The following PLCXD3 variants were observed in gnomAD, a reference collection of about 807,000 sequenced individuals.
PLCXD3 encodes the protein PI-PLC X domain-containing protein 3.
Under a neutral mutation model 25.5 loss-of-function variants are expected in PLCXD3, and 19 were observed. That is an observed-to-expected ratio of 0.75 (90% CI 0.52 to 1.09). The LOEUF is 1.09. Among genes scored for constraint, PLCXD3 ranks in the 50% least tolerant of loss-of-function variants. PLCXD3 has a pLI of 0.00. For missense variants in PLCXD3, 411 were observed against 388.1 expected (o/e 1.06, Z -0.50); for synonymous variants, 174 against 137.6 (o/e 1.26, Z -1.85).
intron 1 of PLCXD3, among the ~76,000 whole-genome samples, chr5:41,384,406 T>C: frequency 6.6e-6 from 1 of 152,038 alleles, no homozygotes; most frequent in East Asian, 1.9e-4. Context: ...AGAATTATGA[T>C]TAAATGATCT....
chr5:41,341,474 T>A (rs568826776), intron 2 of PLCXD3, among the ~76,000 whole-genome samples: 1 of 152,308 alleles, frequency 6.6e-6, no homozygotes, highest in Admixed American at 6.5e-5. Context: ...CAAAGTGCCA[T>A]GCAAATTTCA....
chr5:41,465,560 G>A (rs1033646241), intron 1 of PLCXD3, among the ~76,000 whole-genome samples: 2 of 151,444 alleles, frequency 1.3e-5, no homozygotes, highest in African/African-American at 2.4e-5. Flanking sequence ...CCTTTCCTTG[G>A]TTCTTGTCTC....
At chr5:41,509,655 G>C (rs190382004) in intron 1 of PLCXD3, among the ~76,000 whole-genome samples, 2 of 152,182 alleles carry the variant, frequency 1.3e-5, no homozygotes, top group African/African-American at 2.4e-5. Flanking sequence ...CTCAGGTCAC[G>C]CAGGTTCCCC....
chr5:41,369,981 A>C (rs1745046047), intron 2 of PLCXD3, among the ~76,000 whole-genome samples: 1 of 152,184 alleles, frequency 6.6e-6, no homozygotes, highest in Non-Finnish European at 1.5e-5. Flanking sequence ...TTCACTAATG[A>C]AATCACACAT....
Position 41,312,097 on chromosome 5 carries a change from T to TA in PLCXD3, c.*1519_*1520insT. The TA allele has an allele frequency of 6.6e-6, 1 of 152,560 alleles. No individual in the cohort carries two copies. Among genetic ancestry groups the TA allele is most frequent in the East Asian group, 1.9e-4 (1 of 5,166 alleles). 9.5% of individuals were successfully genotyped at this position (152,560 alleles called of 1,614,324 possible). A position where few individuals can be genotyped will look rare whatever the true frequency, so the allele number is the denominator to read the frequency against. On this transcript the variant is annotated 3_prime_UTR_variant, in exon 3 of 3. Coordinates refer to ENST00000377801, the MANE Select transcript of PLCXD3 (RefSeq NM_001005473.3). The stretch of plus-strand genomic sequence containing the variant: ...CAAGGATTATTGTGCTCTAAGTTTT[T>TA]TTTTTTTATTTTTTAGAGTTGTCAA...
At chr5:41,410,941 C>A (rs1373354835) in intron 1 of PLCXD3, among the ~76,000 whole-genome samples, 1 of 152,144 alleles carries the variant, frequency 6.6e-6, no homozygotes, top group Non-Finnish European at 1.5e-5. Flanking sequence ...GTGGCAGACC[C>A]TGCAGTTTGG....
intron 1 of PLCXD3, among the ~76,000 whole-genome samples, chr5:41,467,847 T>A (rs1748056378): frequency 6.6e-6 from 1 of 152,078 alleles, no homozygotes; most frequent in African/African-American, 2.4e-5. Flanking sequence ...TTGGCAGCTT[T>A]GCCAAAAATC....
chr5:41,481,350 T>G (rs1748411563), intron 1 of PLCXD3, among the ~76,000 whole-genome samples: 1 of 152,218 alleles, frequency 6.6e-6, no homozygotes, highest in Non-Finnish European at 1.5e-5. Flanking sequence ...TCTCTTCCTA[T>G]GAACATAATG....
intron 2 of PLCXD3, among the ~76,000 whole-genome samples, chr5:41,360,994 A>G (rs1161029543): frequency 6.6e-6 from 1 of 152,094 alleles, no homozygotes; most frequent in Non-Finnish European, 1.5e-5. Context: ...GTCTTCTGCT[A>G]CCAGGGCAGG....
chr5:41,366,427 A>T (rs1554045353), intron 2 of PLCXD3, among the ~76,000 whole-genome samples: 4 of 152,204 alleles, frequency 2.6e-5, no homozygotes, highest in Non-Finnish European at 5.9e-5. Flanking sequence ...GTATCTGAGC[A>T]CTTTCAGGAG....
chr5:41,453,315 G>T (rs1261248570), intron 1 of PLCXD3, among the ~76,000 whole-genome samples: 2 of 151,030 alleles, frequency 1.3e-5, no homozygotes, highest in Non-Finnish European at 3.0e-5. Context: ...CAAACTATTG[G>T]CTGTATGTTT....
intron 2 of PLCXD3, among the ~76,000 whole-genome samples, chr5:41,347,030 A>T (rs1744319770): frequency 6.6e-6 from 1 of 152,198 alleles, no homozygotes; most frequent in Non-Finnish European, 1.5e-5. Context: ...TAAGGTTGCT[A>T]TTACTGGATC....
At chr5:41,506,763 G>GT (rs1313675350) in intron 1 of PLCXD3, among the ~76,000 whole-genome samples, 1 of 152,162 alleles carries the variant, frequency 6.6e-6, no homozygotes, top group Non-Finnish European at 1.5e-5. Context: ...TTTCATTGGT[G>GT]TTTGCATTTT....
At position 41,367,326 on chromosome 5, in the gene PLCXD3, G is replaced by T. The variant is rs60018749; in HGVS notation, c.812+14500C>A. On this transcript the variant is annotated intron_variant, in intron 2 of 2. Coordinates refer to ENST00000377801, the MANE Select transcript of PLCXD3 (RefSeq NM_001005473.3). ...ATTGTTTCTTGACTTTGTAATAATC[G>T]CCATTCTGACTGGCATGAGATGGTA... 3.5e-3 allele frequency among the ~76,000 whole-genome samples: 526 copies of T among 152,132 alleles called. 3 individuals carry two copies. Among genetic ancestry groups the T allele is most frequent in the African/African-American group, 0.012 (510 of 41,528 alleles).
intron 2 of PLCXD3, among the ~76,000 whole-genome samples, chr5:41,337,490 G>A (rs1744019273): frequency 6.6e-6 from 1 of 152,148 alleles, no homozygotes; most frequent in Non-Finnish European, 1.5e-5. Flanking sequence ...TCCAAGATAA[G>A]AGTGATTATA....
At chr5:41,447,151 C>T (rs1747522936) in intron 1 of PLCXD3, among the ~76,000 whole-genome samples, 1 of 152,144 alleles carries the variant, frequency 6.6e-6, no homozygotes, top group African/African-American at 2.4e-5. Flanking sequence ...TTGTAAAACT[C>T]TTATCCAGTT....
chr5:41,468,702 G>A (rs1748081060), intron 1 of PLCXD3, among the ~76,000 whole-genome samples: 1 of 151,962 alleles, frequency 6.6e-6, no homozygotes, highest in South Asian at 2.1e-4. Context: ...ATGCTATTTA[G>A]TTTTCTATGT....
chr5:41,407,768 C>A (rs535455526), intron 1 of PLCXD3, among the ~76,000 whole-genome samples: 1 of 152,140 alleles, frequency 6.6e-6, no homozygotes, highest in Non-Finnish European at 1.5e-5. Flanking sequence ...AAATAGCTCA[C>A]GGAACACTAA....
In PLCXD3 at chr5:41,422,278, T is replaced by C. The variant is rs28469040; in HGVS notation, c.104-39744A>G. Among the ~76,000 whole-genome samples the C allele has an allele frequency of 6.6e-3, 999 of 152,324 alleles. 13 individuals carry two copies. Among genetic ancestry groups the C allele is most frequent in the African/African-American group, 0.023 (953 of 41,574 alleles). Reference sequence around the variant, plus strand: ...CGTTTTATCAGTCCTGGAAATGGCTTCAAAACATGACTGAAATCTCCTTGA... The same window carrying C: ...CGTTTTATCAGTCCTGGAAATGGCTCCAAAACATGACTGAAATCTCCTTGA... On this transcript the variant is annotated intron_variant, in intron 1 of 2. Transcript: ENST00000377801.
Sources: gnomAD v4.1 joint callset for allele counts (sites outside exome capture counted in the v4.1 genomes callset) on GRCh38, gnomAD v4.1.1 for gene constraint, MANE v1.5 for transcripts, NCBI Gene and HGNC (gene_info 2026-07-23, HGNC 2026-07-21) for gene names.